The following TOM1L2 variants were observed in gnomAD, a reference collection of about 807,000 sequenced individuals.
TOM1L2 encodes TOM1-like protein 2.
Under a neutral mutation model 67.9 loss-of-function variants are expected in TOM1L2, and 31 were observed. The ratio of observed to expected loss-of-function variants is 0.46; its 90% CI spans 0.34 to 0.62. TOM1L2 has a LOEUF of 0.62. Ranked by LOEUF, TOM1L2 falls within the 20% of genes least tolerant of loss-of-function variation. The probability of loss-of-function intolerance (pLI) is 0.01; values close to 1 mark genes in which losing one functional copy is unlikely to be tolerated. For synonymous variants in TOM1L2, 256 were observed against 254.0 expected, an observed-to-expected ratio of 1.01 and a Z score of -0.07; for missense variants, 606 against 663.5, an observed-to-expected ratio of 0.91 and a Z score of 0.95.
chr17:17,847,261 T>G lies in TOM1L2; in HGVS notation c.*374A>C, dbSNP rs2035692469. On this transcript the variant is annotated 3_prime_UTR_variant, in exon 15 of 15. Coordinates refer to ENST00000379504, the MANE Select transcript of TOM1L2 (RefSeq NM_001082968.2). ...AGAAGGTCGCTGAGCCAGGCAGAGGTGAGCACAGGGCGGGGCCGGGCGTGC... is the reference window on the plus strand; with the variant it reads ...AGAAGGTCGCTGAGCCAGGCAGAGGGGAGCACAGGGCGGGGCCGGGCGTGC... 3 of 249,772 alleles carry G rather than the reference T, an allele frequency of 1.2e-5. No individual in the cohort carries two copies. The highest frequency in any genetic ancestry group is 5.4e-5 in the South Asian group (1 of 18,442). The allele number at this position is 249,772 out of a possible 1,614,324, so 15.5% of individuals were successfully genotyped here.
intron 1 of TOM1L2, among the ~76,000 whole-genome samples, chr17:17,933,859 C>T (rs1056471364): frequency 6.6e-6 from 1 of 152,138 alleles, no homozygotes; most frequent in Non-Finnish European, 1.5e-5. Flanking sequence ...ATCCATCCTT[C>T]AAAAGATGAT....
In TOM1L2 at chr17:17,850,963, G is replaced by C; in HGVS notation, c.1279-11C>G. On this transcript the variant is annotated splice_polypyrimidine_tract_variant and intron_variant, in intron 12 of 14. Coordinates refer to ENST00000379504, the MANE Select transcript of TOM1L2 (RefSeq NM_001082968.2). The stretch of plus-strand genomic sequence containing the variant: ...CTGCGCAACGGGGATCTATGGAGGC[G>C]GCAAGCAGCGGGCCAGGCAGCCCCC... 5.0e-6 allele frequency: 8 copies of C among 1,613,590 alleles called. No individual in the cohort carries two copies. The highest frequency in any genetic ancestry group is 1.6e-4 in the Middle Eastern group (1 of 6,062).
At chr17:17,878,113 T>C (rs1462585908) in intron 7 of TOM1L2, among the ~76,000 whole-genome samples, 5 of 152,344 alleles carry the variant, frequency 3.3e-5, no homozygotes, top group African/African-American at 9.6e-5. Context: ...CAGAATCCTG[T>C]GCATCTGGGT....
chr17:17,922,345 C>A (rs1472920781), intron 1 of TOM1L2, among the ~76,000 whole-genome samples: 1 of 152,140 alleles, frequency 6.6e-6, no homozygotes, highest in Non-Finnish European at 1.5e-5. Context: ...TCTGGAGTGT[C>A]CTTTCATTTT....
rs1598155358 is a variant in TOM1L2, at chr17:17,844,916, T to C, written c.*2719A>G. The C allele has an allele frequency of 6.6e-6, 1 of 152,478 alleles. No homozygotes were observed. The highest frequency in any genetic ancestry group is 1.5e-5 in the Non-Finnish European group (1 of 68,054). The allele number at this position is 152,478 out of a possible 1,614,324, so 9.4% of individuals were successfully genotyped here. On this transcript the variant is annotated 3_prime_UTR_variant, in exon 15 of 15. Coordinates refer to ENST00000379504, the MANE Select transcript of TOM1L2 (RefSeq NM_001082968.2). The stretch of plus-strand genomic sequence containing the variant: ...AGCAATAATTTAGTGTAATTAAGTA[T>C]ATACTGTATCTGTGATTTCTAACAC...
At chr17:17,912,693 C>T in intron 1 of TOM1L2, among the ~76,000 whole-genome samples, 1 of 151,774 alleles carries the variant, frequency 6.6e-6, no homozygotes, top group Non-Finnish European at 1.5e-5. Flanking sequence ...ACGCTCCTCA[C>T]TTCCCAGACT....
intron 1 of TOM1L2, among the ~76,000 whole-genome samples, chr17:17,916,321 C>T (rs12453825): frequency 0.31 from 47,764 of 152,060 alleles, 8,725 homozygotes; most frequent in South Asian, 0.67. Flanking sequence ...GATCTGCCTG[C>T]CTTGGCCTCC....
chr17:17,913,258 C>CGGGAGAGGGAGAGGGAGA (rs796284800), intron 1 of TOM1L2, among the ~76,000 whole-genome samples: 18 of 143,324 alleles, frequency 1.3e-4, no homozygotes, highest in African/African-American at 4.7e-4. Flanking sequence ...CGTGGGGAGA[C>CGGGAGAGGGAGAGGGAGA]GGGAGAGGGA....
intron 2 of TOM1L2, among the ~76,000 whole-genome samples, chr17:17,907,050 G>T (rs780099057): frequency 6.6e-6 from 1 of 152,244 alleles, no homozygotes; most frequent in African/African-American, 2.4e-5. Context: ...CCATGGACAC[G>T]GTGGTGCTCT....
At chr17:17,906,132 A>C (rs67325661) in intron 2 of TOM1L2, among the ~76,000 whole-genome samples, 1,104 of 34,740 alleles carry the variant, frequency 0.032, 13 homozygotes, top group African/African-American at 0.27. Context: ...TTCTCTTTTC[A>C]TTTTTTTTTT....
intron 4 of TOM1L2, among the ~76,000 whole-genome samples, chr17:17,889,928 C>A (rs1262975630): frequency 5.3e-5 from 8 of 152,128 alleles, no homozygotes; most frequent in Non-Finnish European, 1.0e-4. Flanking sequence ...CGCTCTGGCA[C>A]CCCACACTTA....
chr17:17,896,849 G>A (rs377113195), intron 3 of TOM1L2, among the ~76,000 whole-genome samples: 3 of 152,162 alleles, frequency 2.0e-5, no homozygotes, highest in African/African-American at 7.2e-5. Flanking sequence ...TATGAAGTCC[G>A]GAGAGGGCCA....
At position 17,883,716 on chromosome 17, in the gene TOM1L2, A is replaced by G. The variant is rs139069604; in HGVS notation, c.502-853T>C. Among the ~76,000 whole-genome samples the G allele has an allele frequency of 1.6e-4, 25 of 152,264 alleles. No homozygotes were observed. The East Asian group carries it at 4.8e-3, about 29-fold the overall frequency. ...GCCAGTGCACTCCAGCCTGGGCGAC[A>G]CAGCAAGACTCCGACTCAAAAAAAA... On this transcript the variant is annotated intron_variant, in intron 5 of 14. Coordinates refer to ENST00000379504, the MANE Select transcript of TOM1L2 (RefSeq NM_001082968.2).
At chr17:17,945,260 A>T (rs2040892566) in intron 1 of TOM1L2, among the ~76,000 whole-genome samples, 1 of 149,502 alleles carries the variant, frequency 6.7e-6, no homozygotes, top group Non-Finnish European at 1.5e-5. Context: ...TTCACCACAC[A>T]CACACATACA....
intron 1 of TOM1L2, among the ~76,000 whole-genome samples, chr17:17,925,854 C>CA (rs796898959): frequency 0.028 from 2,079 of 74,010 alleles, 26 homozygotes; most frequent in Middle Eastern, 0.13. Flanking sequence ...GACCCTGTCT[C>CA]AAAAAAAAAA....
At chr17:17,859,322 G>C (rs1210299519) in intron 12 of TOM1L2, 1 of 147,894 alleles carries the variant, frequency 6.8e-6, no homozygotes, top group African/African-American at 2.5e-5. Flanking sequence ...TGATCCGCCC[G>C]CCTCGGCCTC....
intron 1 of TOM1L2, among the ~76,000 whole-genome samples, chr17:17,948,157 T>C (rs1348575715): frequency 1.3e-5 from 2 of 152,230 alleles, no homozygotes; most frequent in Non-Finnish European, 2.9e-5. Context: ...CTTAGTCAAA[T>C]AGTTTCATTT....
At chr17:17,902,500 C>A (rs1184992923) in intron 2 of TOM1L2, among the ~76,000 whole-genome samples, 1 of 152,254 alleles carries the variant, frequency 6.6e-6, no homozygotes, top group Non-Finnish European at 1.5e-5. Flanking sequence ...AGGCCTTTGG[C>A]AAGTGACCAA....
At chr17:17,959,512 T>A (rs1270494411) in intron 1 of TOM1L2, among the ~76,000 whole-genome samples, 1 of 152,222 alleles carries the variant, frequency 6.6e-6, no homozygotes, top group Non-Finnish European at 1.5e-5. Context: ...TTTGAATTGC[T>A]GGTTTAAGAA....
Sources: allele counts gnomAD v4.1 joint callset (sites outside exome capture counted in the v4.1 genomes callset), GRCh38; gene constraint gnomAD v4.1.1; transcripts MANE v1.5; gene names NCBI Gene and HGNC (gene_info 2026-07-23, HGNC 2026-07-21).